ZNF704: variants seen among roughly 807,000 people sequenced by gnomAD.
ZNF704 encodes the protein zinc finger protein 704, also known as glucocorticoid induced gene 1.
Under a neutral mutation model 44.7 loss-of-function variants are expected in ZNF704, and 10 were observed. The ratio of observed to expected loss-of-function variants is 0.22; its 90% confidence interval spans 0.14 to 0.38. ZNF704 has a LOEUF of 0.38. ZNF704 is among the 10% of genes least tolerant of loss of function. ZNF704 has a pLI of 1.00. For missense variants in ZNF704, 390 were observed against 545.5 expected (o/e 0.71, Z 2.84); for synonymous variants, 211 against 207.6 (o/e 1.02, Z -0.14).
the ZNF704 span, among the ~76,000 whole-genome samples, chr8:80,884,179 A>G: frequency 6.6e-6 from 1 of 152,116 alleles, no homozygotes; most frequent in Non-Finnish European, 1.5e-5. Flanking sequence ...AGGATAAAGA[A>G]TTTTCCTTAA....
chr8:80,672,318 G>C (rs1041527870), intron 4 of ZNF704, among the ~76,000 whole-genome samples: 4 of 152,194 alleles, frequency 2.6e-5, no homozygotes, highest in Non-Finnish European at 4.4e-5. Context: ...CACTGGTGAC[G>C]GGAGTGTGAA....
At chr8:80,777,045 T>G (rs1382785915) in intron 2 of ZNF704, 4 of 152,128 alleles carry the variant, frequency 2.6e-5, no homozygotes, top group African/African-American at 9.7e-5. Context: ...TCTTTTTATA[T>G]TTATTTATTT....
At chr8:80,798,326 G>A (rs1807841639) in intron 2 of ZNF704, among the ~76,000 whole-genome samples, 1 of 151,298 alleles carries the variant, frequency 6.6e-6, no homozygotes, top group African/African-American at 2.4e-5. Context: ...CACAATCTTA[G>A]CTCACCGCAA....
chr8:80,817,764 T>A (rs1187649053), intron 2 of ZNF704, among the ~76,000 whole-genome samples: 2 of 152,192 alleles, frequency 1.3e-5, no homozygotes, highest in South Asian at 4.1e-4. Flanking sequence ...GAAAAAGATA[T>A]CAATAAAAAA....
At chr8:80,781,665 A>G (rs1398881146) in intron 2 of ZNF704, among the ~76,000 whole-genome samples, 1 of 152,190 alleles carries the variant, frequency 6.6e-6, no homozygotes, top group Non-Finnish European at 1.5e-5. Flanking sequence ...CACCAGGATA[A>G]TCCCCAGCAA....
At chr8:80,681,629 AAT>A (rs549837270) in intron 4 of ZNF704, among the ~76,000 whole-genome samples, 22 of 152,156 alleles carry the variant, frequency 1.4e-4, no homozygotes, top group Non-Finnish European at 2.8e-4. Flanking sequence ...AATTATACCT[AAT>A]AAAGTTGATT....
In ZNF704 at chr8:80,633,428, A is replaced by G. The variant is rs1817617743; in HGVS notation, c.*7938T>C. ...AGTAAAGGGATTCATCTGGGGATAA[A>G]TCAGTTTGCACTTGGCAACATGACT... is the stretch of plus-strand genomic sequence containing the variant. On this transcript the variant is annotated 3_prime_UTR_variant, in exon 9 of 9. Coordinates refer to ENST00000327835, the MANE Select transcript of ZNF704 (RefSeq NM_001033723.3). The G allele has an allele frequency of 6.6e-6, 1 of 152,220 alleles. No homozygotes were observed. Among genetic ancestry groups the G allele is most frequent in the African/African-American group, 2.4e-5 (1 of 41,454 alleles). 9.4% of individuals were successfully genotyped at this position (152,220 alleles called of 1,614,324 possible).
chr8:80,757,859 G>A (rs980886752), intron 2 of ZNF704, among the ~76,000 whole-genome samples: 1 of 152,190 alleles, frequency 6.6e-6, no homozygotes, highest in Non-Finnish European at 1.5e-5. Context: ...TATAGCCTAG[G>A]TGTATAGTAG....
intron 2 of ZNF704, among the ~76,000 whole-genome samples, chr8:80,794,402 A>C (rs1807764349): frequency 6.6e-6 from 1 of 152,206 alleles, no homozygotes. Context: ...AGCTCAGGTT[A>C]ATCACCAAAG....
chr8:80,858,460 G>A (rs1229013477), intron 1 of ZNF704, among the ~76,000 whole-genome samples: 1 of 152,106 alleles, frequency 6.6e-6, no homozygotes. Context: ...AGCTGGGCAC[G>A]GTGGCTCATG....
intron 2 of ZNF704, among the ~76,000 whole-genome samples, chr8:80,818,865 T>C (rs554250095): frequency 1.3e-5 from 2 of 152,168 alleles, no homozygotes; most frequent in Non-Finnish European, 2.9e-5. Context: ...AACAAAATAT[T>C]GATATACTTA....
At chr8:80,726,382 G>A (rs892470218) in intron 2 of ZNF704, among the ~76,000 whole-genome samples, 2 of 152,014 alleles carry the variant, frequency 1.3e-5, no homozygotes, top group Non-Finnish European at 2.9e-5. Context: ...ATTTTTTGAA[G>A]GTGTAAAAAG....
intron 2 of ZNF704, among the ~76,000 whole-genome samples, chr8:80,804,660 C>T (rs1807957754): frequency 6.6e-6 from 1 of 152,042 alleles, no homozygotes; most frequent in African/African-American, 2.4e-5. Flanking sequence ...GGGAAAAACA[C>T]ACATTGGGGC....
intron 4 of ZNF704, among the ~76,000 whole-genome samples, chr8:80,676,048 G>A (rs189101271): frequency 9.0e-4 from 137 of 152,306 alleles, no homozygotes; most frequent in African/African-American, 3.2e-3. Context: ...AAGTGTCTTA[G>A]GAAGGAAGAT....
chr8:80,720,449 T>C (rs1819146123), intron 2 of ZNF704, among the ~76,000 whole-genome samples: 1 of 152,248 alleles, frequency 6.6e-6, no homozygotes, highest in Non-Finnish European at 1.5e-5. Flanking sequence ...TGCAACAGTC[T>C]CTGTTTTGTA....
At chr8:80,794,716 A>G (rs1807768822) in intron 2 of ZNF704, among the ~76,000 whole-genome samples, 1 of 152,236 alleles carries the variant, frequency 6.6e-6, no homozygotes, top group African/African-American at 2.4e-5. Context: ...GTTTGGACAC[A>G]CACAAAGCTG....
intron 2 of ZNF704, among the ~76,000 whole-genome samples, chr8:80,699,778 CCCT>C (rs1818781209): frequency 6.6e-6 from 1 of 152,114 alleles, no homozygotes; most frequent in African/African-American, 2.4e-5. Flanking sequence ...TCCCTCCTGT[CCCT>C]CTTTCTCCCG....
intron 1 of ZNF704, among the ~76,000 whole-genome samples, chr8:80,857,021 T>C (rs1371963066): frequency 6.6e-6 from 1 of 152,160 alleles, no homozygotes; most frequent in Non-Finnish European, 1.5e-5. Flanking sequence ...TTGCTCTCTC[T>C]CATCAATGTT....
chr8:80,781,421 G>A (rs1482629560), intron 2 of ZNF704, among the ~76,000 whole-genome samples: 1 of 152,170 alleles, frequency 6.6e-6, no homozygotes, highest in Non-Finnish European at 1.5e-5. Flanking sequence ...TATGCATACT[G>A]AAATTTGAAT....
Sources: gnomAD v4.1 joint callset for allele counts (sites outside exome capture counted in the v4.1 genomes callset) on GRCh38, gnomAD v4.1.1 for gene constraint, MANE v1.5 for transcripts, NCBI Gene and HGNC (gene_info 2026-07-23, HGNC 2026-07-21) for gene names.